The following LHFPL4 variants were observed in gnomAD, a reference collection of about 807,000 sequenced individuals.
LHFPL4 encodes the protein LHFPL tetraspan subfamily member 4.
Under a neutral mutation model 20.0 loss-of-function variants are expected in LHFPL4, and 6 were observed. The observed-to-expected ratio is 0.30, with a 90% CI of 0.16 to 0.59. The LOEUF (loss-of-function observed/expected upper bound fraction) is 0.59. Among genes scored for constraint, LHFPL4 ranks in the 20% least tolerant of loss-of-function variants. The probability of loss-of-function intolerance (pLI) is 0.88; values close to 1 mark genes in which losing one functional copy is unlikely to be tolerated. For missense variants in LHFPL4, 215 were observed against 331.2 expected, an observed-to-expected ratio of 0.65 and a Z score of 2.72; for synonymous variants, 129 against 143.8, an observed-to-expected ratio of 0.90 and a Z score of 0.74.
intron 2 of LHFPL4, among the ~76,000 whole-genome samples, chr3:9,533,963 C>T (rs1268206030): frequency 6.6e-6 from 1 of 151,624 alleles, no homozygotes; most frequent in African/African-American, 2.4e-5. Flanking sequence ...CCTGTAATTC[C>T]AGCACTCTGG....
chr3:9,504,607 C>T (rs991449036), intron 3 of LHFPL4, among the ~76,000 whole-genome samples: 2 of 152,118 alleles, frequency 1.3e-5, no homozygotes, highest in South Asian at 2.1e-4. Context: ...AGGCGGATCA[C>T]GAGGTCAGAA....
At chr3:9,541,476 C>G (rs1463379851) in intron 2 of LHFPL4, among the ~76,000 whole-genome samples, 1 of 152,110 alleles carries the variant, frequency 6.6e-6, no homozygotes, top group Non-Finnish European at 1.5e-5. Context: ...AATATTAACT[C>G]AAAGTGGATC....
intron 2 of LHFPL4, among the ~76,000 whole-genome samples, chr3:9,522,144 CA>C (rs1019993098): frequency 5.7e-4 from 86 of 151,824 alleles, no homozygotes; most frequent in African/African-American, 2.0e-3. Context: ...ACAGGCAGTA[CA>C]AGTACCTTAT....
intron 2 of LHFPL4, among the ~76,000 whole-genome samples, chr3:9,544,054 T>C (rs887273761): frequency 6.6e-6 from 1 of 152,038 alleles, no homozygotes; most frequent in Non-Finnish European, 1.5e-5. Context: ...TATAGATAAA[T>C]AATACTCTAA....
At chr3:9,504,333 G>A (rs532683895) in intron 3 of LHFPL4, among the ~76,000 whole-genome samples, 41 of 150,932 alleles carry the variant, frequency 2.7e-4, no homozygotes, top group African/African-American at 9.3e-4. Flanking sequence ...AGCCGAGACC[G>A]TGCCACTGCA....
At chr3:9,544,256 AAG>A (rs979607424) in intron 2 of LHFPL4, among the ~76,000 whole-genome samples, 3 of 151,578 alleles carry the variant, frequency 2.0e-5, no homozygotes, top group African/African-American at 7.3e-5. Context: ...TACTTTTCCA[AAG>A]AGTCAAAAGT....
chr3:9,539,454 C>A (rs1363445632), intron 2 of LHFPL4, among the ~76,000 whole-genome samples: 223 of 109,280 alleles, frequency 2.0e-3, no homozygotes, highest in Middle Eastern at 4.7e-3. Context: ...AACTTCGTCT[C>A]AAAAAAAAAA....
At chr3:9,545,928 AAGAAATGGAG>A (rs1386793823) in intron 2 of LHFPL4, among the ~76,000 whole-genome samples, 5 of 151,864 alleles carry the variant, frequency 3.3e-5, no homozygotes, top group African/African-American at 9.7e-5. Flanking sequence ...AAAAGAAAGA[AAGAAATGGAG>A]AGAAATGTAG....
At chr3:9,548,789 G>C (rs1197057775) in intron 2 of LHFPL4, among the ~76,000 whole-genome samples, 1 of 152,190 alleles carries the variant, frequency 6.6e-6, no homozygotes, top group Non-Finnish European at 1.5e-5. Flanking sequence ...CTTAGACAGA[G>C]TCACCATGAT....
chr3:9,525,427 C>T (rs888654969), intron 2 of LHFPL4, among the ~76,000 whole-genome samples: 8 of 152,204 alleles, frequency 5.3e-5, no homozygotes, highest in African/African-American at 1.9e-4. Flanking sequence ...TCTCTGCACT[C>T]ACCTGTCTGT....
chr3:9,512,490 AG>A (rs1229105711), intron 2 of LHFPL4, among the ~76,000 whole-genome samples: 2 of 152,170 alleles, frequency 1.3e-5, no homozygotes, highest in East Asian at 1.9e-4. Context: ...CTGGGGAAGG[AG>A]GTAAGTTTAT....
chr3:9,547,021 C>T (rs1482872513), intron 2 of LHFPL4, among the ~76,000 whole-genome samples: 1 of 152,204 alleles, frequency 6.6e-6, no homozygotes, highest in Non-Finnish European at 1.5e-5. Flanking sequence ...CACGGTCTGG[C>T]TCTGTTGCCC....
At chr3:9,532,548 G>A (rs2046416493) in intron 2 of LHFPL4, among the ~76,000 whole-genome samples, 1 of 151,702 alleles carries the variant, frequency 6.6e-6, no homozygotes, top group Non-Finnish European at 1.5e-5. Flanking sequence ...CTCTCTTTCT[G>A]GGCTTGTCTC....
chr3:9,537,077 C>A (rs377051473), intron 2 of LHFPL4, among the ~76,000 whole-genome samples: 4 of 152,198 alleles, frequency 2.6e-5, no homozygotes, highest in East Asian at 3.9e-4. Flanking sequence ...CAGAGCAAGA[C>A]CCTGTCTCAA....
intron 2 of LHFPL4, among the ~76,000 whole-genome samples, chr3:9,525,502 T>C (rs1443652076): frequency 6.6e-6 from 1 of 152,116 alleles, no homozygotes; most frequent in African/African-American, 2.4e-5. Flanking sequence ...CTAGCAAGAG[T>C]GTTTATTTTT....
chr3:9,547,748 A>G (rs2046524807), intron 2 of LHFPL4, among the ~76,000 whole-genome samples: 1 of 152,096 alleles, frequency 6.6e-6, no homozygotes, highest in Admixed American at 6.6e-5. Flanking sequence ...TATCCCCACA[A>G]TTAATCCTCC....
intron 2 of LHFPL4, among the ~76,000 whole-genome samples, chr3:9,530,821 T>C (rs1373676739): frequency 6.6e-6 from 1 of 152,076 alleles, no homozygotes; most frequent in Non-Finnish European, 1.5e-5. Context: ...GGTCTTGAAC[T>C]TCTGATCTCA....
chr3:9,519,282 C>T (rs537309455), intron 2 of LHFPL4, among the ~76,000 whole-genome samples: 126 of 152,014 alleles, frequency 8.3e-4, no homozygotes, highest in African/African-American at 3.0e-3. Flanking sequence ...ACCATATTGG[C>T]CAGGCTGGTC....
At chr3:9,529,685 A>T (rs148084293) in intron 2 of LHFPL4, among the ~76,000 whole-genome samples, 1 of 152,082 alleles carries the variant, frequency 6.6e-6, no homozygotes, top group East Asian at 1.9e-4. Flanking sequence ...CCCAGGCTGG[A>T]GTGCAGTGGC....
Sources: gnomAD v4.1 joint callset for allele counts (sites outside exome capture counted in the v4.1 genomes callset) on GRCh38, gnomAD v4.1.1 for gene constraint, MANE v1.5 for transcripts, NCBI Gene and HGNC (gene_info 2026-07-23, HGNC 2026-07-21) for gene names.